The following ACSM3 variants were observed in gnomAD, a reference collection of about 807,000 sequenced individuals.
The protein encoded by ACSM3 is acyl-CoA synthetase medium chain family member 3, also known as acyl-coenzyme A synthetase ACSM3, mitochondrial.
A neutral mutation model predicts 74.1 loss-of-function variants in ACSM3; 61 were observed. That is an observed-to-expected ratio of 0.82 (90% confidence interval 0.67 to 1.02). The LOEUF (loss-of-function observed/expected upper bound fraction) is 1.02, where lower values mean the gene tolerates loss of function less well. ACSM3 is among the 50% of genes least tolerant of loss of function. The pLI is 0.00. For missense variants in ACSM3, 660 were observed against 697.0 expected, an observed-to-expected ratio of 0.95 and a Z score of 0.60; for synonymous variants, 213 against 241.5, an observed-to-expected ratio of 0.88 and a Z score of 1.09.
chr16:20,738,810 A>G, intron 1 of ACSM3: 1 of 1,481,058 alleles, frequency 6.8e-7, no homozygotes. Flanking sequence ...GTCATGCCCA[A>G]GAAGCCATTT....
intron 1 of ACSM3, among the ~76,000 whole-genome samples, chr16:20,693,895 A>G (rs2152343000): frequency 6.6e-6 from 1 of 152,362 alleles, no homozygotes; most frequent in Middle Eastern, 3.4e-3. Flanking sequence ...CCATCTAATT[A>G]GGAATAAATA....
upstream of ACSM3, among the ~76,000 whole-genome samples, chr16:20,759,385 C>A (rs1253250761): frequency 6.6e-6 from 1 of 151,934 alleles, no homozygotes; most frequent in African/African-American, 2.4e-5. Flanking sequence ...CGGTGAAACC[C>A]CGTCTCTACT....
At chr16:20,685,059 T>A in intron 1 of ACSM3, 1 of 869,918 alleles carries the variant, frequency 1.1e-6, no homozygotes, top group East Asian at 2.6e-5. Context: ...TGCTTTGTGG[T>A]CCCAGCACAG....
chr16:20,759,530 A>C (rs2080059575), upstream of ACSM3, among the ~76,000 whole-genome samples: 1 of 147,338 alleles, frequency 6.8e-6, no homozygotes, highest in Non-Finnish European at 1.5e-5. Flanking sequence ...ACTGCACTCC[A>C]GCCTGGGTGA....
chr16:20,754,311 C>G (rs1392744022), intron 2 of ACSM3, among the ~76,000 whole-genome samples: 1 of 152,120 alleles, frequency 6.6e-6, no homozygotes, highest in Non-Finnish European at 1.5e-5. Flanking sequence ...ATTTTGCAGT[C>G]AGGAAGTTAA....
chr16:20,729,363 T>C, intron 1 of ACSM3: 3 of 1,405,012 alleles, frequency 2.1e-6, no homozygotes, highest in South Asian at 1.2e-5. Flanking sequence ...TCTGGGTTTG[T>C]AGATTTGCCA....
intron 12 of ACSM3, 136 bp downstream of exon 12, chr16:20,792,471 C>T (rs1030616741): frequency 1.3e-6 from 2 of 1,505,966 alleles, no homozygotes; most frequent in African/African-American, 2.8e-5. Flanking sequence ...ATATGCTAGT[C>T]AGAAAGAACT....
At chr16:20,768,901 A>G (rs1487696367) in intron 1 of ACSM3, among the ~76,000 whole-genome samples, 1 of 152,194 alleles carries the variant, frequency 6.6e-6, no homozygotes, top group Non-Finnish European at 1.5e-5. Context: ...TCACACACAT[A>G]AATGGGAAGG....
chr16:20,768,631 C>T (rs2080154466), intron 1 of ACSM3, among the ~76,000 whole-genome samples: 1 of 152,088 alleles, frequency 6.6e-6, no homozygotes, highest in African/African-American at 2.4e-5. Context: ...AAGACCTAGG[C>T]ATCAGAGTAT....
rs1252924448 is a variant in ACSM3, at chr16:20,714,992, G to A, written c.-189-34918G>A. On this transcript the variant is annotated intron_variant, in intron 1 of 3. Coordinates refer to the ACSM3 transcript ENST00000561584. ...TAGATAGACAGACAGATGGATAGAC[G>A]AAAGATAGATAGATAGGTAGATAGA... Among the ~76,000 whole-genome samples the A allele has an allele frequency of 7.7e-5, 7 of 91,422 alleles. No homozygotes were observed. In the East Asian group the frequency reaches 8.9e-4, roughly 12 times the overall value. 60.0% of individuals were successfully genotyped at this position (91,422 alleles called of 152,430 possible).
intron 1 of ACSM3, among the ~76,000 whole-genome samples, chr16:20,726,056 C>T (rs1398689522): frequency 6.6e-6 from 1 of 152,146 alleles, no homozygotes; most frequent in Admixed American, 6.5e-5. Context: ...CCGGAATATC[C>T]TCTAGGACAA....
intron 1 of ACSM3, among the ~76,000 whole-genome samples, chr16:20,702,343 G>C (rs1234184386): frequency 9.2e-5 from 14 of 152,232 alleles, no homozygotes; most frequent in Non-Finnish European, 1.9e-4. Flanking sequence ...CTTCTGAATA[G>C]CTGGGATTAC....
In ACSM3 at chr16:20,792,321, C is replaced by T. The variant is rs775920299; in HGVS notation, c.1540C>T (p.Pro514Ser). 6.2e-7 allele frequency: 1 copy of T among 1,613,936 alleles called. No homozygotes were observed. The highest frequency in any genetic ancestry group is 8.5e-7 in the Non-Finnish European group (1 of 1,179,886). Reference sequence around the variant, plus strand: ...GTCAGCTGTTGTCAGCAGCCCAGACCCCATCAGAGGAGAGGTAAAAGAACT... The same window carrying T: ...GTCAGCTGTTGTCAGCAGCCCAGACTCCATCAGAGGAGAGGTAAAAGAACT... ...AESAVVSSPD[P>S]IRGEVVKAFV... The change falls in exon 12 of 14, where the codon CCC becomes TCC. Residue 514 changes from proline (P) to serine (S), a missense_variant. By Grantham distance (74) the Pro-to-Ser change is moderately conservative. Transcript: ENST00000289416.
chr16:20,685,486 G>C lies in ACSM3; in HGVS notation c.-190+10664G>C, dbSNP rs926439664. On this transcript the variant is annotated intron_variant, in intron 1 of 3. Transcript: ENST00000561584. ...TAAACTAATCCACAGCCATAGTCAC[G>C]TTCCAATGTGAACACAGCTTAAGGA... is the stretch of plus-strand genomic sequence containing the variant. 7.1e-6 allele frequency: 9 copies of C among 1,265,516 alleles called. No individual in the cohort carries two copies. The East Asian group carries it at 2.1e-4, about 29-fold the overall frequency. 78.4% of individuals were successfully genotyped at this position (1,265,516 alleles called of 1,614,324 possible). A position where few individuals can be genotyped will look rare whatever the true frequency, so the allele number is the denominator to read the frequency against.
In ACSM3 at chr16:20,790,508, A is replaced by G. The variant is rs1278219790; in HGVS notation, c.1225-79A>G. On this transcript the variant is annotated intron_variant, in intron 9 of 13. Coordinates refer to ENST00000289416, the MANE Select transcript of ACSM3 (RefSeq NM_005622.4). The surrounding 1 kb of genome is among the most constrained non-coding windows in gnomAD (Gnocchi z 4.0). ...TCATTTTTAAATGGCAAAAGCCAAA[A>G]TAAAACTTGCAAAGTTAATATTTAA... 3.5e-6 allele frequency: 5 copies of G among 1,414,128 alleles called. No individual in the cohort carries two copies. The Admixed American group carries it at 1.0e-4, about 29-fold the overall frequency. The allele number at this position is 1,414,128 out of a possible 1,614,324, so 87.6% of individuals were successfully genotyped here.
intron 1 of ACSM3, among the ~76,000 whole-genome samples, chr16:20,726,172 GC>G (rs1348831745): frequency 6.6e-6 from 1 of 152,064 alleles, no homozygotes; most frequent in Admixed American, 6.6e-5. Flanking sequence ...TTTAGAACCA[GC>G]CCTCAAAAAA....
intron 4 of ACSM3, among the ~76,000 whole-genome samples, chr16:20,778,634 T>C (rs565995345): frequency 6.6e-6 from 1 of 152,256 alleles, no homozygotes; most frequent in South Asian, 2.1e-4. Context: ...GTATGGGTGC[T>C]GAGCCTACAC....
At chr16:20,785,259 G>T in intron 8 of ACSM3, 152 bp downstream of exon 8, 1 of 1,040,336 alleles carries the variant, frequency 9.6e-7, no homozygotes, top group Non-Finnish European at 1.4e-6. Flanking sequence ...GAACCTAATT[G>T]CAAAAAAGCT....
intron 1 of ACSM3, chr16:20,721,875 G>A (rs886289721): frequency 2.6e-5 from 4 of 152,156 alleles, no homozygotes; most frequent in Admixed American, 6.5e-5. Flanking sequence ...AGCTGAAAGA[G>A]GTTGTTGGCA....
Sources: allele counts gnomAD v4.1 joint callset (sites outside exome capture counted in the v4.1 genomes callset), GRCh38; gene constraint gnomAD v4.1.1; non-coding constraint Gnocchi (gnomAD v3.1); transcripts MANE v1.5; gene names NCBI Gene and HGNC (gene_info 2026-07-23, HGNC 2026-07-21).